Variants in RFT1 observed in about 807,000 individuals in gnomAD.
The protein encoded by RFT1 is man(5)GlcNAc(2)-PP-dolichol translocation protein RFT1.
Under a neutral mutation model 62.2 loss-of-function variants are expected in RFT1, and 43 were observed. That is an observed-to-expected ratio of 0.69 (90% CI 0.54 to 0.89). The LOEUF is 0.89. Ranked by LOEUF, RFT1 falls within the 40% of genes least tolerant of loss-of-function variation. RFT1 has a pLI of 0.00. For synonymous variants in RFT1, 262 were observed against 264.6 expected, an observed-to-expected ratio of 0.99 and a Z score of 0.10; for missense variants, 605 against 649.9, an observed-to-expected ratio of 0.93 and a Z score of 0.75.
At chr3:53,072,864 T>G in the RFT1 span, among the ~76,000 whole-genome samples, 1 of 152,056 alleles carries the variant, frequency 6.6e-6, no homozygotes, top group Admixed American at 6.5e-5. Context: ...GGCGGCCAGG[T>G]CTCTCCTCAC....
At chr3:53,076,294 G>T in the RFT1 span, among the ~76,000 whole-genome samples, 2 of 152,212 alleles carry the variant, frequency 1.3e-5, no homozygotes, top group African/African-American at 2.4e-5. Context: ...GGAGGCAGGG[G>T]CAAACGGATA....
Position 53,122,582 on chromosome 3 carries a change from AT to A in RFT1, c.267-20del, listed in dbSNP as rs200601772. ...GGGGACTCTAGAAGAGGAGAAAAAAATAATTCACTAAATTTTAAAATAAATA... is the reference window on the plus strand; with the variant it reads ...GGGGACTCTAGAAGAGGAGAAAAAAAAATTCACTAAATTTTAAAATAAATA... On this transcript the variant is annotated intron_variant, in intron 3 of 12. Coordinates refer to ENST00000296292, the MANE Select transcript of RFT1 (RefSeq NM_052859.4). 8.0e-6 allele frequency: 12 copies of A among 1,501,612 alleles called. No homozygotes were observed. The African/African-American group carries it at 1.5e-4, about 19-fold the overall frequency. The allele number at this position is 1,501,612 out of a possible 1,614,324, so 93.0% of individuals were successfully genotyped here.
chr3:53,079,989 CG>C, the RFT1 span, among the ~76,000 whole-genome samples: 2 of 152,172 alleles, frequency 1.3e-5, no homozygotes, highest in Non-Finnish European at 2.9e-5. Flanking sequence ...CTTGGAAAGC[CG>C]AGACCAGGAG....
the RFT1 span, among the ~76,000 whole-genome samples, chr3:53,067,480 C>T: frequency 2.6e-5 from 4 of 152,118 alleles, no homozygotes; most frequent in East Asian, 5.8e-4. Context: ...GAGGTGAGAA[C>T]GGTGGTTACT....
the RFT1 span, among the ~76,000 whole-genome samples, chr3:53,073,427 C>T: frequency 6.6e-6 from 1 of 152,236 alleles, no homozygotes; most frequent in Non-Finnish European, 1.5e-5. Context: ...GAAGTCCCGC[C>T]TCTGTGGAAG....
intron 11 of RFT1, among the ~76,000 whole-genome samples, chr3:53,095,325 C>T (rs184357429): frequency 6.6e-6 from 1 of 152,198 alleles, no homozygotes; most frequent in African/African-American, 2.4e-5. Context: ...TATGACTATC[C>T]TGTAAGGTTT....
the RFT1 span, among the ~76,000 whole-genome samples, chr3:53,071,286 G>A: frequency 6.6e-6 from 1 of 152,144 alleles, no homozygotes; most frequent in Admixed American, 6.5e-5. Flanking sequence ...CTGAGCCGGC[G>A]TGTCCCCATC....
the RFT1 span, among the ~76,000 whole-genome samples, chr3:53,079,528 G>A: frequency 6.6e-6 from 1 of 152,214 alleles, no homozygotes; most frequent in African/African-American, 2.4e-5. Flanking sequence ...GAGGTCAGGA[G>A]TTCGAGACCA....
chr3:53,082,231 C>T, the RFT1 span, among the ~76,000 whole-genome samples: 6 of 152,204 alleles, frequency 3.9e-5, no homozygotes, highest in African/African-American at 1.2e-4. Flanking sequence ...AATTCTAGCA[C>T]TTTGGGAGGC....
At chr3:53,105,057 C>T (rs1051183028) in intron 9 of RFT1, among the ~76,000 whole-genome samples, 2 of 152,232 alleles carry the variant, frequency 1.3e-5, no homozygotes, top group African/African-American at 4.8e-5. Context: ...AAGACTAGCC[C>T]ATGGCTGGGC....
In RFT1 at chr3:53,105,717, C is replaced by CA; in HGVS notation, c.912dup (p.Ala305CysfsTer2). On this transcript the variant is annotated frameshift_variant, in exon 9 of 13. Coordinates refer to ENST00000296292, the MANE Select transcript of RFT1 (RefSeq NM_052859.4). LOFTEE classifies it high-confidence loss of function. ...TCCTTTCCCCTCTCCAGCACCTTAGCAAAAAATATATAAAAACTTTCCTCT... is the reference window on the plus strand; with the variant it reads ...TCCTTTCCCCTCTCCAGCACCTTAGCAAAAAAATATATAAAAACTTTCCTCT... The CA allele has an allele frequency of 6.2e-7, 1 of 1,613,602 alleles. No individual in the cohort carries two copies. Among genetic ancestry groups the CA allele is most frequent in the East Asian group, 2.2e-5 (1 of 44,848 alleles).
At chr3:53,093,767 T>C (rs994674868) in intron 11 of RFT1, among the ~76,000 whole-genome samples, 4 of 152,010 alleles carry the variant, frequency 2.6e-5, no homozygotes, top group African/African-American at 4.8e-5. Context: ...ACACCTGCAG[T>C]CCTAGCTACT....
At position 53,092,389 on chromosome 3, in the gene RFT1, C is replaced by A; in HGVS notation, c.1438G>T (p.Gly480Trp). The A allele has an allele frequency of 6.2e-7, 1 of 1,603,762 alleles. No individual in the cohort carries two copies. ...CTCACCTCCGAAACAGCAGTAACCC[C>A]ACCACTGAGGGCAAATGTCCCGAGC... The part of the protein sequence containing the change: ...VLLGTFALSG[G>W]VTAVSEVFLC... The change falls in exon 12 of 13, where the codon GGG becomes TGG. Residue 480 changes from glycine to tryptophan, a missense_variant. Transcript: ENST00000296292.
At chr3:53,069,253 T>G in the RFT1 span, among the ~76,000 whole-genome samples, 17 of 152,218 alleles carry the variant, frequency 1.1e-4, no homozygotes, top group Non-Finnish European at 1.8e-4. Flanking sequence ...GTTAGGTGAC[T>G]TTGACCAACT....
rs1288817967 is a variant in RFT1, at chr3:53,130,419, A to C, written c.-19T>G. ...TGCCCATAGCCTCCGCGCCAGGCTCAGACACCAGGAAATGCCGCCGCCACT... is the reference window on the plus strand; with the variant it reads ...TGCCCATAGCCTCCGCGCCAGGCTCCGACACCAGGAAATGCCGCCGCCACT... On this transcript the variant is annotated 5_prime_UTR_variant, in exon 1 of 13. Coordinates refer to ENST00000296292, the MANE Select transcript of RFT1 (RefSeq NM_052859.4). 6.4e-7 allele frequency: 1 copy of C among 1,550,812 alleles called. No homozygotes were observed. The highest frequency in any genetic ancestry group is 1.4e-5 in the African/African-American group (1 of 73,088).
the RFT1 span, among the ~76,000 whole-genome samples, chr3:53,083,120 G>C: frequency 2.0e-5 from 3 of 150,194 alleles, no homozygotes; most frequent in Admixed American, 2.0e-4. Flanking sequence ...AGAGTCACTT[G>C]AGCCTGGGAG....
intron 11 of RFT1, among the ~76,000 whole-genome samples, chr3:53,095,620 G>A (rs1701117281): frequency 6.6e-6 from 1 of 152,106 alleles, no homozygotes. Context: ...AGGAGGTTGA[G>A]GTGGAAGGAT....
chr3:53,073,986 T>C, the RFT1 span, among the ~76,000 whole-genome samples: 1 of 152,116 alleles, frequency 6.6e-6, no homozygotes, highest in African/African-American at 2.4e-5. Context: ...CCACAGACCA[T>C]GAAGCAGAAG....
At position 53,122,479 on chromosome 3, in the gene RFT1, A is replaced by C. The variant is rs768585147; in HGVS notation, c.351T>G (p.Pro117=). 6.2e-7 allele frequency: 1 copy of C among 1,614,136 alleles called. No individual in the cohort carries two copies. Among genetic ancestry groups the C allele is most frequent in the East Asian group, 2.2e-5 (1 of 44,890 alleles). ...ACAGCACCACTCCAGTTGCATAGTGAGGGACAACATTAGGATCAGGCACTT... is the reference window on the plus strand; with the variant it reads ...ACAGCACCACTCCAGTTGCATAGTGCGGGACAACATTAGGATCAGGCACTT... ...LLEVPDPNVV[P]HYATGVVLFG... is the part of the protein sequence containing the mutation. The change falls in exon 4 of 13, where the codon CCT becomes CCG. Residue 117 remains proline (P), a synonymous_variant. Transcript: ENST00000296292.
Sources: allele counts gnomAD v4.1 joint callset (sites outside exome capture counted in the v4.1 genomes callset), GRCh38; gene constraint gnomAD v4.1.1; transcripts MANE v1.5; gene names NCBI Gene and HGNC (gene_info 2026-07-23, HGNC 2026-07-21).